Variants in GALNT13 observed in about 807,000 individuals in gnomAD.
GALNT13 encodes the protein polypeptide N-acetylgalactosaminyltransferase 13.
A neutral mutation model predicts 64.2 loss-of-function variants in GALNT13; 28 were observed. That is an observed-to-expected ratio of 0.44 (90% CI 0.32 to 0.60). GALNT13 has a LOEUF of 0.60. Among genes scored for constraint, GALNT13 ranks in the 20% least tolerant of loss-of-function variants. The pLI is 0.05. For missense variants in GALNT13, 577 were observed against 669.8 expected (o/e 0.86, Z 1.53); for synonymous variants, 214 against 224.6 (o/e 0.95, Z 0.42).
intron 11 of GALNT13, among the ~76,000 whole-genome samples, chr2:154,434,426 AT>A (rs748444076): frequency 9.4e-4 from 143 of 152,016 alleles, no homozygotes; most frequent in Non-Finnish European, 1.7e-3. Flanking sequence ...CACCCTGCTA[AT>A]TTTTTGTATT....
In GALNT13 at chr2:153,964,078, C is replaced by G. The variant is rs189369188; in HGVS notation, c.142+19439C>G. ...AGGGTTAAAGTTCCTTTTTTTTCCC[C>G]CCCAAAAGAAACCCTCCATTCATTC... is the stretch of plus-strand genomic sequence containing the variant. On this transcript the variant is annotated intron_variant, in intron 3 of 12. Coordinates refer to ENST00000392825, the MANE Select transcript of GALNT13 (RefSeq NM_052917.4). Among the ~76,000 whole-genome samples the G allele has an allele frequency of 3.3e-5, 5 of 151,670 alleles. No individual in the cohort carries two copies. In the East Asian group the frequency reaches 5.8e-4, roughly 18 times the overall value.
chr2:153,917,044 A>C (rs1689401129), intron 2 of GALNT13, among the ~76,000 whole-genome samples: 1 of 152,172 alleles, frequency 6.6e-6, no homozygotes, highest in African/African-American at 2.4e-5. Flanking sequence ...TCTGGGCCTC[A>C]GTTTATTCAG....
chr2:154,259,899 TG>T (rs1340274294), intron 8 of GALNT13, among the ~76,000 whole-genome samples: 1 of 152,124 alleles, frequency 6.6e-6, no homozygotes, highest in African/African-American at 2.4e-5. Flanking sequence ...TGTTGTTTTT[TG>T]AGACAGAATT....
the GALNT13 span, among the ~76,000 whole-genome samples, chr2:153,245,519 G>A: frequency 9.8e-3 from 1,490 of 152,258 alleles, 29 homozygotes; most frequent in African/African-American, 0.033. Context: ...GACCTTCAGC[G>A]AACTGCAGCT....
chr2:153,937,579 C>G (rs1463206698), intron 2 of GALNT13, among the ~76,000 whole-genome samples: 1 of 152,098 alleles, frequency 6.6e-6, no homozygotes, highest in African/African-American at 2.4e-5. Context: ...CAATGTGTGA[C>G]TATATTGCAT....
the GALNT13 span, among the ~76,000 whole-genome samples, chr2:153,701,414 C>A: frequency 6.6e-6 from 1 of 152,152 alleles, no homozygotes; most frequent in Non-Finnish European, 1.5e-5. Flanking sequence ...CCAGGCAATG[C>A]CATTCAGCAC....
chr2:153,427,565 A>T, the GALNT13 span, among the ~76,000 whole-genome samples: 1 of 152,196 alleles, frequency 6.6e-6, no homozygotes, highest in Non-Finnish European at 1.5e-5. Context: ...TTGGGAAAAA[A>T]GATGGGCATG....
intron 4 of GALNT13, among the ~76,000 whole-genome samples, chr2:154,204,100 T>C (rs1346139540): frequency 6.6e-6 from 1 of 152,166 alleles, no homozygotes; most frequent in Admixed American, 6.6e-5. Context: ...ACTTTGGGAC[T>C]CATTCACTCT....
chr2:154,227,760 T>C, intron 4 of GALNT13, among the ~76,000 whole-genome samples: 1 of 152,016 alleles, frequency 6.6e-6, no homozygotes, highest in Non-Finnish European at 1.5e-5. Context: ...GCCTTCATTC[T>C]AGCTTAACCC....
At chr2:154,268,311 C>T (rs1490240245) in intron 8 of GALNT13, among the ~76,000 whole-genome samples, 1 of 152,046 alleles carries the variant, frequency 6.6e-6, no homozygotes, top group Non-Finnish European at 1.5e-5. Flanking sequence ...ACAAGCCAGG[C>T]AAAAAGATTA....
At chr2:154,124,917 C>T (rs1226011300) in intron 3 of GALNT13, among the ~76,000 whole-genome samples, 2 of 152,068 alleles carry the variant, frequency 1.3e-5, no homozygotes, top group Non-Finnish European at 2.9e-5. Flanking sequence ...AGGAATACTA[C>T]ATAAGCCTTT....
At chr2:154,110,165 T>A (rs1702854943) in intron 3 of GALNT13, among the ~76,000 whole-genome samples, 1 of 150,904 alleles carries the variant, frequency 6.6e-6, no homozygotes, top group Non-Finnish European at 1.5e-5. Context: ...ATTTTGTATG[T>A]CTTCATGATT....
chr2:153,596,329 A>G, the GALNT13 span, among the ~76,000 whole-genome samples: 1 of 152,160 alleles, frequency 6.6e-6, no homozygotes, highest in Non-Finnish European at 1.5e-5. Flanking sequence ...GGAAGTGGAG[A>G]CAAAAACTCC....
intron 9 of GALNT13, among the ~76,000 whole-genome samples, chr2:154,394,270 G>A (rs920919271): frequency 2.0e-5 from 3 of 151,812 alleles, no homozygotes; most frequent in Non-Finnish European, 4.4e-5. Context: ...AAGTACTTGA[G>A]GAAAAGTCAA....
chr2:153,117,343 G>C, the GALNT13 span, among the ~76,000 whole-genome samples: 1 of 152,100 alleles, frequency 6.6e-6, no homozygotes, highest in African/African-American at 2.4e-5. Flanking sequence ...ATTAACTTCT[G>C]AATAACTTCG....
chr2:153,488,887 G>A, the GALNT13 span, among the ~76,000 whole-genome samples: 67 of 152,294 alleles, frequency 4.4e-4, no homozygotes, highest in Non-Finnish European at 6.3e-4. Context: ...GGAACCTGAC[G>A]AAGGGAGTTT....
At chr2:153,198,125 G>A in the GALNT13 span, among the ~76,000 whole-genome samples, 1 of 152,200 alleles carries the variant, frequency 6.6e-6, no homozygotes, top group Non-Finnish European at 1.5e-5. Flanking sequence ...GAAATGTGGA[G>A]ATGCAGGGGC....
the GALNT13 span, among the ~76,000 whole-genome samples, chr2:153,591,818 C>T: frequency 6.6e-6 from 1 of 152,032 alleles, no homozygotes; most frequent in South Asian, 2.1e-4. Flanking sequence ...AAAATAAAAA[C>T]AGACAAATGG....
rs887940268 is a variant in GALNT13, at chr2:153,923,788, G to A, written c.-104-20606G>A. Among the ~76,000 whole-genome samples the A allele has an allele frequency of 3.3e-5, 5 of 150,930 alleles. No individual in the cohort carries two copies. The East Asian group carries it at 5.9e-4, about 18-fold the overall frequency. ...TCCTACCTATGAGTGAGAACATGCG[G>A]TGTTTGTTTTTTTGTCCTTGTGATA... is the stretch of plus-strand genomic sequence containing the variant. On this transcript the variant is annotated intron_variant, in intron 2 of 12. Coordinates refer to ENST00000392825, the MANE Select transcript of GALNT13 (RefSeq NM_052917.4).
Sources: gnomAD v4.1 joint callset for allele counts (sites outside exome capture counted in the v4.1 genomes callset) on GRCh38, gnomAD v4.1.1 for gene constraint, MANE v1.5 for transcripts, NCBI Gene and HGNC (gene_info 2026-07-23, HGNC 2026-07-21) for gene names.